RREB1: variants seen among roughly 807,000 people sequenced by gnomAD.
RREB1 encodes the protein ras-responsive element-binding protein 1.
Under a neutral mutation model 117.8 loss-of-function variants are expected in RREB1, and 27 were observed. The ratio of observed to expected loss-of-function variants is 0.23; its 90% confidence interval spans 0.17 to 0.32. The LOEUF (loss-of-function observed/expected upper bound fraction) is 0.32. RREB1 is among the 10% of genes least tolerant of loss of function. The pLI is 1.00. For synonymous variants in RREB1, 1,298 were observed against 1,026.7 expected (o/e 1.26, Z -5.05); for missense variants, 2,577 against 2,378.2 (o/e 1.08, Z -1.74).
intron 2 of RREB1, among the ~76,000 whole-genome samples, chr6:7,177,859 A>G (rs1423759536): frequency 6.6e-6 from 1 of 152,086 alleles, no homozygotes; most frequent in African/African-American, 2.4e-5. Flanking sequence ...AGTAGCTGGG[A>G]TTACAGGCAT....
In RREB1 at chr6:7,178,239, A is replaced by G. The variant is rs1427742238; in HGVS notation, c.-166+1466A>G. 2.6e-5 allele frequency among the ~76,000 whole-genome samples: 4 copies of G among 152,214 alleles called. No homozygotes were observed. The East Asian group carries it at 7.7e-4, about 29-fold the overall frequency. On this transcript the variant is annotated intron_variant, in intron 2 of 12. Coordinates refer to ENST00000379938, the MANE Select transcript of RREB1 (RefSeq NM_001003699.4). ...AAGAAATGTTGCAGAAGAAAGAATG[A>G]AAAGTCTAGGATTGTAAATATCCAG... is the stretch of plus-strand genomic sequence containing the variant.
intron 6 of RREB1, among the ~76,000 whole-genome samples, chr6:7,191,243 G>A (rs1056953827): frequency 2.6e-5 from 4 of 151,068 alleles, no homozygotes; most frequent in Non-Finnish European, 4.4e-5. Context: ...TACATCTTAC[G>A]GTATAATTCA....
chr6:7,125,831 C>T (rs1408936482), intron 1 of RREB1, among the ~76,000 whole-genome samples: 2 of 151,914 alleles, frequency 1.3e-5, no homozygotes, highest in Non-Finnish European at 2.9e-5. Flanking sequence ...AGGAGGCTGT[C>T]CTGTCTCTTA....
At position 7,230,088 on chromosome 6, in the gene RREB1, C is replaced by G. The variant is rs954740092; in HGVS notation, c.1989C>G (p.Arg663=). 1 of 1,602,224 alleles carries G rather than the reference C, an allele frequency of 6.2e-7. No individual in the cohort carries two copies. The highest frequency in any genetic ancestry group is 8.5e-7 in the Non-Finnish European group (1 of 1,173,328). The change falls in exon 10 of 13, where the codon CGC becomes CGG. Residue 663 remains arginine (R), a synonymous_variant. Transcript: ENST00000379938. ...CGGGGGTCTTGCGTGCCCACGTGCGCTCCCACCTGGGCATCTCGCCATACC... is the reference window on the plus strand; with the variant it reads ...CGGGGGTCTTGCGTGCCCACGTGCGGTCCCACCTGGGCATCTCGCCATACC... The part of the protein sequence containing the change: ...AFSGVLRAHV[R]SHLGISPYQC...
chr6:7,187,425 T>C lies in RREB1; in HGVS notation c.172-9T>C. 2 of 1,568,242 alleles carry C rather than the reference T, an allele frequency of 1.3e-6. No individual in the cohort carries two copies. Among genetic ancestry groups the C allele is most frequent in the Admixed American group, 1.7e-5 (1 of 59,276 alleles). ...GAAATTTATCTTCCCTTTTAATCTTTCTTTTTAGGAAACGAAAGAGGAGAA... is the reference window on the plus strand; with the variant it reads ...GAAATTTATCTTCCCTTTTAATCTTCCTTTTTAGGAAACGAAAGAGGAGAA... On this transcript the variant is annotated splice_polypyrimidine_tract_variant and intron_variant, in intron 4 of 12. Coordinates refer to ENST00000379938, the MANE Select transcript of RREB1 (RefSeq NM_001003699.4).
intron 8 of RREB1, chr6:7,216,280 C>G (rs1246756973): frequency 6.6e-6 from 1 of 152,212 alleles, no homozygotes; most frequent in Non-Finnish European, 1.5e-5. Flanking sequence ...TCCAGGCAGG[C>G]AGAGGGATCT....
At chr6:7,156,773 C>G (rs1448521706) in intron 1 of RREB1, among the ~76,000 whole-genome samples, 1 of 152,202 alleles carries the variant, frequency 6.6e-6, no homozygotes, top group African/African-American at 2.4e-5. Context: ...ATAAGACAAT[C>G]TTAGTTTTCC....
At chr6:7,163,750 G>C (rs903538798) in intron 1 of RREB1, among the ~76,000 whole-genome samples, 1 of 152,214 alleles carries the variant, frequency 6.6e-6, no homozygotes, top group African/African-American at 2.4e-5. Context: ...GTGTGAGCAC[G>C]TGTGTGCCTG....
chr6:7,211,320 G>A (rs374287943), intron 7 of RREB1, among the ~76,000 whole-genome samples: 1 of 93,858 alleles, frequency 1.1e-5, no homozygotes, highest in Non-Finnish European at 2.2e-5. Context: ...GGGAGGGTGG[G>A]TGGATGGATG....
intron 1 of RREB1, among the ~76,000 whole-genome samples, chr6:7,143,003 G>C (rs1373592892): frequency 1.3e-5 from 2 of 152,154 alleles, no homozygotes; most frequent in African/African-American, 4.8e-5. Flanking sequence ...TTTCAAAACT[G>C]CGTTAGAAAC....
chr6:7,139,819 G>T (rs1451264030), intron 1 of RREB1, among the ~76,000 whole-genome samples: 1 of 152,116 alleles, frequency 6.6e-6, no homozygotes, highest in Non-Finnish European at 1.5e-5. Flanking sequence ...TTATCAGTCA[G>T]AACTTTTAGA....
chr6:7,178,347 A>C (rs543967515), intron 2 of RREB1, among the ~76,000 whole-genome samples: 1 of 152,130 alleles, frequency 6.6e-6, no homozygotes, highest in African/African-American at 2.4e-5. Flanking sequence ...CAGAGGGTTT[A>C]GGTTGGTTAG....
intron 1 of RREB1, among the ~76,000 whole-genome samples, chr6:7,160,122 A>T (rs924840948): frequency 6.8e-6 from 1 of 146,586 alleles, no homozygotes; most frequent in South Asian, 2.2e-4. Flanking sequence ...TCTTTTTTGC[A>T]TTTTTTTTTT....
At chr6:7,199,334 A>T (rs1765819861) in intron 6 of RREB1, among the ~76,000 whole-genome samples, 1 of 152,234 alleles carries the variant, frequency 6.6e-6, no homozygotes, top group Non-Finnish European at 1.5e-5. Context: ...TGCTCAACAA[A>T]TTGTAGTTCA....
intron 8 of RREB1, chr6:7,213,060 G>A (rs1414484462): frequency 6.6e-6 from 1 of 152,196 alleles, no homozygotes; most frequent in East Asian, 1.9e-4. Flanking sequence ...TGCTCATACA[G>A]GACCTCAGCC....
intron 1 of RREB1, among the ~76,000 whole-genome samples, chr6:7,151,042 A>G (rs1004348495): frequency 6.6e-6 from 1 of 152,222 alleles, no homozygotes; most frequent in Non-Finnish European, 1.5e-5. Context: ...GAGGCTGAAC[A>G]TGGAGAAGGA....
rs531090463 is a variant in RREB1, at chr6:7,126,448, T to C, written c.-285+18388T>C. On this transcript the variant is annotated intron_variant, in intron 1 of 12. Coordinates refer to ENST00000379938, the MANE Select transcript of RREB1 (RefSeq NM_001003699.4). ...CACATCTAGCTGATTTTTTTATTTT[T>C]AGTAGAGATGGGGTTTCATCGTATT... Among the ~76,000 whole-genome samples the C allele has an allele frequency of 5.9e-5, 9 of 152,130 alleles. 1 individual carries two copies. The South Asian group carries it at 1.5e-3, about 25-fold the overall frequency.
chr6:7,178,268 G>GA (rs1399872924), intron 2 of RREB1, among the ~76,000 whole-genome samples: 1 of 152,078 alleles, frequency 6.6e-6, no homozygotes, highest in African/African-American at 2.4e-5. Context: ...TATCCAGAAA[G>GA]AAAAAAATGC....
rs539722211 is a variant in RREB1 at position 7,188,603 on chromosome 6, A to G, written c.262-556A>G. Among the ~76,000 whole-genome samples, 77 of 152,218 alleles carry G rather than the reference A, an allele frequency of 5.1e-4. 1 individual carries two copies. Among genetic ancestry groups the G allele is most frequent in the African/African-American group, 1.7e-3 (72 of 41,542 alleles). ...AATATTGATGAGTGTAGAACAGTGA[A>G]GGATTGATGACCTAGTAAAATCATG... is the stretch of plus-strand genomic sequence containing the variant. On this transcript the variant is annotated intron_variant, in intron 5 of 12. Coordinates refer to ENST00000379938, the MANE Select transcript of RREB1 (RefSeq NM_001003699.4).
Sources: allele counts gnomAD v4.1 joint callset (sites outside exome capture counted in the v4.1 genomes callset), GRCh38; gene constraint gnomAD v4.1.1; transcripts MANE v1.5; gene names NCBI Gene and HGNC (gene_info 2026-07-23, HGNC 2026-07-21).